GALNT15: variants seen among roughly 807,000 people sequenced by gnomAD.
GALNT15 encodes polypeptide N-acetylgalactosaminyltransferase 15.
Under a neutral mutation model 66.8 loss-of-function variants are expected in GALNT15, and 67 were observed. The ratio of observed to expected loss-of-function variants is 1.00; its 90% CI spans 0.82 to 1.23. The LOEUF is 1.23. Ranked by LOEUF, GALNT15 falls within the 50% of genes most tolerant of loss-of-function variation. The pLI, the probability that GALNT15 is intolerant of heterozygous loss-of-function variation, is 0.00. For synonymous variants in GALNT15, 313 were observed against 311.5 expected (o/e 1.00, Z -0.05); for missense variants, 827 against 804.3 (o/e 1.03, Z -0.34).
At chr3:16,216,060 C>G (rs4685324) in intron 6 of GALNT15, among the ~76,000 whole-genome samples, 133,556 of 152,176 alleles carry the variant, frequency 0.88, 59,068 homozygotes, top group East Asian at 1. Context: ...GCACATAGTA[C>G]GTGTTCCATA....
chr3:16,181,878 C>T lies in GALNT15; in HGVS notation c.539+6188C>T, dbSNP rs1431597463. On this transcript the variant is annotated intron_variant, in intron 1 of 9. Transcript: ENST00000339732. The surrounding 1 kb of genome is among the most constrained non-coding windows in gnomAD (Gnocchi z 5.9). ...CCACAAACACCAACCTTCCAGCCCT[C>T]GAGTCCACAGTGGCCGCAGCAGAGG... Among the ~76,000 whole-genome samples, 1 of 152,124 alleles carries T rather than the reference C, an allele frequency of 6.6e-6. No homozygotes were observed. Among genetic ancestry groups the T allele is most frequent in the East Asian group, 1.9e-4 (1 of 5,178 alleles).
At chr3:16,214,345 T>A (rs1289130973) in intron 6 of GALNT15, among the ~76,000 whole-genome samples, 1 of 152,196 alleles carries the variant, frequency 6.6e-6, no homozygotes, top group Non-Finnish European at 1.5e-5. Context: ...AAGAACAAGA[T>A]GGTTTGGGTT....
chr3:16,231,718 T>A, downstream of GALNT15: 1 of 1,163,336 alleles, frequency 8.6e-7, no homozygotes, highest in Admixed American at 2.0e-5. The surrounding 1 kb of genome is among the most constrained non-coding windows in gnomAD (Gnocchi z 4.1). Context: ...CAATGGACAT[T>A]CCAGTACCTA....
At chr3:16,216,577 G>GC (rs1408011058) in intron 6 of GALNT15, among the ~76,000 whole-genome samples, 1 of 152,126 alleles carries the variant, frequency 6.6e-6, no homozygotes, top group Admixed American at 6.5e-5. Flanking sequence ...GGGGACTTGA[G>GC]CGATCAATTA....
In GALNT15 at chr3:16,186,336, G is replaced by A. The variant is rs1320032467; in HGVS notation, c.540-9424G>A. Among the ~76,000 whole-genome samples, 2 of 152,192 alleles carry A rather than the reference G, an allele frequency of 1.3e-5. No individual in the cohort carries two copies. The highest frequency in any genetic ancestry group is 1.9e-4 in the East Asian group (1 of 5,198). ...GAAATTGGAACCCTCACACATTGCT[G>A]GTGGGATTGTAAAATGGTGCAACTG... is the stretch of plus-strand genomic sequence containing the variant. On this transcript the variant is annotated intron_variant, in intron 1 of 9. Coordinates refer to ENST00000339732, the MANE Select transcript of GALNT15 (RefSeq NM_054110.5). The surrounding 1 kb of genome is among the most constrained non-coding windows in gnomAD (Gnocchi z 5.1).
chr3:16,207,708 C>T (rs1279709452), intron 3 of GALNT15, among the ~76,000 whole-genome samples: 1 of 151,992 alleles, frequency 6.6e-6, no homozygotes, highest in Non-Finnish European at 1.5e-5. Context: ...TTTTACACTA[C>T]AAGGAGGAAG....
At chr3:16,215,102 G>T (rs1015496215) in intron 6 of GALNT15, among the ~76,000 whole-genome samples, 2 of 152,188 alleles carry the variant, frequency 1.3e-5, no homozygotes, top group African/African-American at 4.8e-5. Context: ...ACCAGACAGG[G>T]TCATTAGGAC....
rs775102704 is a variant in GALNT15, at chr3:16,222,736, A to G, written c.1751A>G (p.Gln584Arg). Residue 584 changes from glutamine to arginine, a missense_variant, in exon 9 of 10, where the codon CAG becomes CGG. Physicochemically the swap from Gln to Arg is conservative, Grantham distance 43. Transcript: ENST00000339732. ...ACGGAGGAAGGCCTGGCCATCCACCAGCAGCACTGGGACTTCCAGGAGGTG... is the reference window on the plus strand; with the variant it reads ...ACGGAGGAAGGCCTGGCCATCCACCGGCAGCACTGGGACTTCCAGGAGGTG... ...NCTEEGLAIH[Q>R]QHWDFQENGM... 1 of 1,614,210 alleles carries G rather than the reference A, an allele frequency of 6.2e-7. No homozygotes were observed. The highest frequency in any genetic ancestry group is 8.5e-7 in the Non-Finnish European group (1 of 1,180,042).
In GALNT15 at chr3:16,219,331, T is replaced by G; in HGVS notation, c.1393-72T>G. 1 of 1,582,506 alleles carries G rather than the reference T, an allele frequency of 6.3e-7. No individual in the cohort carries two copies. The highest frequency in any genetic ancestry group is 8.6e-7 in the Non-Finnish European group (1 of 1,163,034). On this transcript the variant is annotated intron_variant, in intron 6 of 9. Coordinates refer to ENST00000339732, the MANE Select transcript of GALNT15 (RefSeq NM_054110.5). The surrounding 1 kb of genome is among the most constrained non-coding windows in gnomAD (Gnocchi z 4.3). ...GATCCTTTAGCTTCTTCCCAGCCAC[T>G]CCATCCCCAACCATGTGAATTCTGG...
Position 16,208,924 on chromosome 3 carries a change from G to A in GALNT15, c.1079+254G>A, listed in dbSNP as rs566871742. On this transcript the variant is annotated intron_variant, in intron 4 of 9. Coordinates refer to ENST00000339732, the MANE Select transcript of GALNT15 (RefSeq NM_054110.5). ...GAGTGCCAGGCACCCAGATGTAGGTGCTACCACCATTATATTGTCATATTC... is the reference window on the plus strand; with the variant it reads ...GAGTGCCAGGCACCCAGATGTAGGTACTACCACCATTATATTGTCATATTC... Among the ~76,000 whole-genome samples the A allele has an allele frequency of 2.0e-5, 3 of 152,322 alleles. No homozygotes were observed. The South Asian group carries it at 6.2e-4, about 32-fold the overall frequency.
At chr3:16,206,671 T>TAAA (rs1170870767) in intron 3 of GALNT15, among the ~76,000 whole-genome samples, 3,659 of 59,834 alleles carry the variant, frequency 0.061, 142 homozygotes, top group African/African-American at 0.1. Flanking sequence ...AGACTCTGTC[T>TAAA]AAAAAAAAAA....
In GALNT15 at chr3:16,208,579, C is replaced by T. The variant is rs200511414; in HGVS notation, c.988C>T (p.Arg330Cys). 2.8e-5 allele frequency: 46 copies of T among 1,614,068 alleles called. No individual in the cohort carries two copies. The highest frequency in any genetic ancestry group is 3.6e-5 in the Non-Finnish European group (42 of 1,179,970). The change falls in exon 4 of 10, where the codon CGT becomes TGT. Residue 330 changes from arginine to cysteine, a missense_variant. Physicochemically the swap from Arg to Cys is radical, Grantham distance 180 (BLOSUM62 -3). Coordinates refer to ENST00000339732, the MANE Select transcript of GALNT15 (RefSeq NM_054110.5). ...FQYYPSKDLQ[R>C]GVLDWKLDFH... ...GTATTACCCCTCAAAGGACCTGCAG[C>T]GTGGGGTGTTGGACTGGAAGCTGGA...
intron 2 of GALNT15, among the ~76,000 whole-genome samples, chr3:16,196,568 G>A (rs956993465): frequency 3.3e-5 from 5 of 152,108 alleles, no homozygotes; most frequent in Non-Finnish European, 5.9e-5. Flanking sequence ...CACTTGACTC[G>A]TAGGTCAGTG....
At chr3:16,201,160 ATTTTTT>A (rs201186221) in intron 3 of GALNT15, among the ~76,000 whole-genome samples, 3 of 142,970 alleles carry the variant, frequency 2.1e-5, no homozygotes, top group African/African-American at 8.1e-5. Context: ...AAATTTGGCA[ATTTTTT>A]TTTCTTTTTC....
At chr3:16,234,006 A>G (rs896110757), downstream of GALNT15, among the ~76,000 whole-genome samples, 16 of 152,212 alleles carry the variant, frequency 1.1e-4, no homozygotes, top group African/African-American at 3.6e-4. Context: ...AGGCAAGTAT[A>G]GGGGACTCCC....
chr3:16,216,691 C>G (rs764156857), intron 6 of GALNT15, among the ~76,000 whole-genome samples: 1 of 152,186 alleles, frequency 6.6e-6, no homozygotes, highest in African/African-American at 2.4e-5. Context: ...GCTGTTCACA[C>G]GTGCAGTGGC....
intron 1 of GALNT15, among the ~76,000 whole-genome samples, chr3:16,192,968 G>A (rs1442133166): frequency 6.6e-6 from 1 of 152,174 alleles, no homozygotes; most frequent in Non-Finnish European, 1.5e-5. Flanking sequence ...TATGATATTT[G>A]AGTTAACAGT....
chr3:16,230,436 G>A (rs1280296332), downstream of GALNT15, among the ~76,000 whole-genome samples: 1 of 152,148 alleles, frequency 6.6e-6, no homozygotes, highest in African/African-American at 2.4e-5. The surrounding 1 kb of genome is among the most constrained non-coding windows in gnomAD (Gnocchi z 4.5). Context: ...CATTTTAGAG[G>A]TCATGTTATT....
rs540412784 is a variant in GALNT15 at position 16,219,105 on chromosome 3, CGGCCT to C, written c.1393-297_1393-293del. 3.4e-3 allele frequency among the ~76,000 whole-genome samples: 513 copies of C among 152,256 alleles called. 1 individual carries two copies. The highest frequency in any genetic ancestry group is 4.4e-3 in the Non-Finnish European group (301 of 68,020). On this transcript the variant is annotated intron_variant, in intron 6 of 9. Transcript: ENST00000339732. The surrounding 1 kb of genome is among the most constrained non-coding windows in gnomAD (Gnocchi z 4.3). ...TGCTGGAGGTGTGAGCCACCACTCC[CGGCCT>C]ATTGTAGTCTTTATAGACTGGAGAT... is the stretch of plus-strand genomic sequence containing the variant.
Sources: allele counts gnomAD v4.1 joint callset (sites outside exome capture counted in the v4.1 genomes callset), GRCh38; gene constraint gnomAD v4.1.1; non-coding constraint Gnocchi (gnomAD v3.1); transcripts MANE v1.5; gene names NCBI Gene and HGNC (gene_info 2026-07-23, HGNC 2026-07-21).